Variants in SCN11A observed in about 807,000 individuals in gnomAD.
SCN11A encodes sodium channel protein type 11 subunit alpha.
In SCN11A, 122 loss-of-function variants were observed where a neutral mutation model predicts 162.2. The ratio of observed to expected loss-of-function variants is 0.75; its 90% CI spans 0.65 to 0.87. The LOEUF is 0.87. Among genes scored for constraint, SCN11A ranks in the 40% least tolerant of loss-of-function variants. SCN11A has a pLI of 0.00. For missense variants in SCN11A, 2,015 were observed against 2,181.6 expected, an observed-to-expected ratio of 0.92 and a Z score of 1.52; for synonymous variants, 758 against 751.5, an observed-to-expected ratio of 1.01 and a Z score of -0.14.
intron 1 of SCN11A, among the ~76,000 whole-genome samples, chr3:39,035,442 C>G (rs1235612710): frequency 6.6e-6 from 1 of 152,146 alleles, no homozygotes; most frequent in Non-Finnish European, 1.5e-5. Flanking sequence ...ATATAAAAAT[C>G]AAATCAAAAT....
Position 38,847,750 on chromosome 3 carries a change from G to A in SCN11A, c.4328-8C>T. ...AGGTAGAAATCATTGTACCTCAGGA[G>A]AAGGAGAAAAGTAAATAAGTTTCCA... On this transcript the variant is annotated splice_region_variant and splice_polypyrimidine_tract_variant and intron_variant, in intron 29 of 29. Transcript: ENST00000302328. The A allele has an allele frequency of 1.3e-6, 2 of 1,550,448 alleles. No homozygotes were observed. Among genetic ancestry groups the A allele is most frequent in the Middle Eastern group, 3.4e-4 (2 of 5,828 alleles).
At chr3:38,990,812 G>A (rs534296321) in intron 2 of SCN11A, among the ~76,000 whole-genome samples, 1 of 152,238 alleles carries the variant, frequency 6.6e-6, no homozygotes, top group South Asian at 2.1e-4. Context: ...AATTGGTAGA[G>A]GCAGGATGTG....
intron 11 of SCN11A, among the ~76,000 whole-genome samples, chr3:38,917,312 G>A (rs2065974494): frequency 6.6e-6 from 1 of 152,186 alleles, no homozygotes; most frequent in South Asian, 2.1e-4. Flanking sequence ...GCCCATTACT[G>A]GGTATATACC....
At chr3:38,995,191 C>G (rs1362490813) in intron 2 of SCN11A, among the ~76,000 whole-genome samples, 1 of 150,712 alleles carries the variant, frequency 6.6e-6, no homozygotes, top group Non-Finnish European at 1.5e-5. Flanking sequence ...AGTGCAGTGG[C>G]GCGATCTCGG....
intron 7 of SCN11A, among the ~76,000 whole-genome samples, chr3:38,940,759 T>A (rs1354520471): frequency 6.6e-6 from 1 of 152,096 alleles, no homozygotes; most frequent in African/African-American, 2.4e-5. Context: ...CTAGAGAAAG[T>A]GTTTCTAACT....
Position 38,986,139 on chromosome 3 carries a change from C to T in SCN11A, c.-279-25716G>A, listed in dbSNP as rs1047355568. ...ATATCCTGTTAGTTATACAGATCAG[C>T]TGCCTTCATTGTGGGAGGAGACTAC... On this transcript the variant is annotated intron_variant, in intron 2 of 29. Coordinates refer to ENST00000302328, the MANE Select transcript of SCN11A (RefSeq NM_001349253.2). 4.0e-5 allele frequency among the ~76,000 whole-genome samples: 6 copies of T among 150,792 alleles called. 1 individual carries two copies. Among genetic ancestry groups the T allele is most frequent in the Admixed American group, 2.0e-4 (3 of 15,244 alleles).
chr3:38,929,576 T>C (rs1226411318), intron 7 of SCN11A, among the ~76,000 whole-genome samples: 1 of 152,198 alleles, frequency 6.6e-6, no homozygotes, highest in East Asian at 1.9e-4. Flanking sequence ...ACAATTTTAA[T>C]AAAAACTGGG....
intron 28 of SCN11A, among the ~76,000 whole-genome samples, chr3:38,855,581 C>T (rs2064854906): frequency 6.6e-6 from 1 of 152,140 alleles, no homozygotes. Context: ...CTCTTGAAAG[C>T]ACCACCTCCT....
intron 27 of SCN11A, among the ~76,000 whole-genome samples, chr3:38,863,819 A>C (rs1320995711): frequency 6.6e-6 from 1 of 152,144 alleles, no homozygotes; most frequent in Non-Finnish European, 1.5e-5. Flanking sequence ...TAGGATTCTC[A>C]TATCTGGAAA....
At position 38,846,633 on chromosome 3, in the gene SCN11A, C is replaced by T; in HGVS notation, c.*61G>A. On this transcript the variant is annotated 3_prime_UTR_variant, in exon 30 of 30. Transcript: ENST00000302328. ...TGTTGATACACTAAGCTGCTGACCC[C>T]TGGAGCTCAGAGGCTGAAGGCAAGG... 1 of 1,384,498 alleles carries T rather than the reference C, an allele frequency of 7.2e-7. No individual in the cohort carries two copies. Among genetic ancestry groups the T allele is most frequent in the Non-Finnish European group, 1.0e-6 (1 of 983,390 alleles). 85.8% of individuals were successfully genotyped at this position (1,384,498 alleles called of 1,614,324 possible). A position where few individuals can be genotyped will look rare whatever the true frequency, so the allele number is the denominator to read the frequency against.
chr3:39,034,598 A>C (rs749999749), intron 1 of SCN11A, among the ~76,000 whole-genome samples: 2 of 152,324 alleles, frequency 1.3e-5, no homozygotes, highest in South Asian at 2.1e-4. Context: ...AATAGTAGTC[A>C]GTGTCCTAGC....
chr3:38,884,741 C>A (rs1399889506), intron 21 of SCN11A, among the ~76,000 whole-genome samples: 1 of 152,214 alleles, frequency 6.6e-6, no homozygotes, highest in African/African-American at 2.4e-5. Context: ...GTTCCAGATG[C>A]TCTTCTAAGT....
At position 38,946,882 on chromosome 3, in the gene SCN11A, CTCTT is replaced by C; in HGVS notation, c.289_292del (p.Lys97GlyfsTer24). On this transcript the variant is annotated frameshift_variant, in exon 6 of 30. Coordinates refer to ENST00000302328, the MANE Select transcript of SCN11A (RefSeq NM_001349253.2). LOFTEE classifies it high-confidence loss of function. ...CTTGGCACTGAAGCGGTAGATTGTC[CTCTT>C]TCTGTTTAACACCATAAATGTCTGC... is the stretch of plus-strand genomic sequence containing the variant. The C allele has an allele frequency of 6.2e-7, 1 of 1,612,718 alleles. No individual in the cohort carries two copies. The highest frequency in any genetic ancestry group is 8.5e-7 in the Non-Finnish European group (1 of 1,179,404).
At chr3:38,895,270 A>G (rs1205922797) in intron 18 of SCN11A, among the ~76,000 whole-genome samples, 1 of 152,190 alleles carries the variant, frequency 6.6e-6, no homozygotes, top group East Asian at 1.9e-4. Flanking sequence ...CATATGGCAA[A>G]ATTGAGAGTA....
chr3:38,905,800 A>T (rs866405234), intron 14 of SCN11A, among the ~76,000 whole-genome samples: 3 of 152,222 alleles, frequency 2.0e-5, no homozygotes, highest in East Asian at 3.8e-4. Flanking sequence ...AACGGTTGGT[A>T]ACTAAAAAGA....
intron 2 of SCN11A, among the ~76,000 whole-genome samples, chr3:38,991,131 T>G (rs2030440273): frequency 1.3e-5 from 2 of 152,328 alleles, no homozygotes; most frequent in Admixed American, 6.5e-5. Context: ...AAAAAGTATT[T>G]TATACTTTCT....
Position 38,847,528 on chromosome 3 carries a change from C to G in SCN11A, c.4542G>C (p.Leu1514=), listed in dbSNP as rs769602077. Residue 1514 remains leucine, a synonymous_variant, in exon 30 of 30, where the codon CTG becomes CTC. Transcript: ENST00000302328. ...TCACTTTGGAAAACCAGTTCATACC[C>G]AGAATGGCATAGATAAACATAATCA... The part of the protein sequence containing the change: ...LFLIMFIYAI[L]GMNWFSKVNP... 1 of 1,614,068 alleles carries G rather than the reference C, an allele frequency of 6.2e-7. No homozygotes were observed. The highest frequency in any genetic ancestry group is 1.1e-5 in the South Asian group (1 of 91,080).
chr3:39,035,855 G>A (rs1037901970), intron 1 of SCN11A, among the ~76,000 whole-genome samples: 2 of 152,290 alleles, frequency 1.3e-5, no homozygotes, highest in Admixed American at 6.5e-5. Flanking sequence ...TAGCCAGGAT[G>A]GTCTCAATCT....
intron 11 of SCN11A, among the ~76,000 whole-genome samples, chr3:38,916,504 T>A (rs1002530896): frequency 1.3e-5 from 2 of 152,202 alleles, no homozygotes; most frequent in Non-Finnish European, 2.9e-5. Context: ...ATATGTCTAA[T>A]CTGCCCAGTC....
Sources: gnomAD v4.1 joint callset for allele counts (sites outside exome capture counted in the v4.1 genomes callset) on GRCh38, gnomAD v4.1.1 for gene constraint, MANE v1.5 for transcripts, NCBI Gene and HGNC (gene_info 2026-07-23, HGNC 2026-07-21) for gene names.